SYK: variants seen among roughly 807,000 people sequenced by gnomAD.
The protein encoded by SYK is spleen associated tyrosine kinase.
Under a neutral mutation model 77.8 loss-of-function variants are expected in SYK, and 16 were observed. The observed-to-expected ratio is 0.21, with a 90% CI of 0.14 to 0.31. The LOEUF (loss-of-function observed/expected upper bound fraction) is 0.31, where lower values mean the gene tolerates loss of function less well. Among genes scored for constraint, SYK ranks in the 10% least tolerant of loss-of-function variants. The probability of loss-of-function intolerance (pLI) is 1.00; values close to 1 mark genes in which losing one functional copy is unlikely to be tolerated. For synonymous variants in SYK, 312 were observed against 308.7 expected, an observed-to-expected ratio of 1.01 and a Z score of -0.11; for missense variants, 529 against 814.4, an observed-to-expected ratio of 0.65 and a Z score of 4.26.
intron 9 of SYK, among the ~76,000 whole-genome samples, chr9:90,877,207 A>G (rs290225): frequency 0.84 from 128,492 of 152,094 alleles, 54,686 homozygotes; most frequent in East Asian, 0.95. Flanking sequence ...GCACTGTCAC[A>G]CCTGGGTGAT....
At position 90,897,566 on chromosome 9, in the gene SYK, C is replaced by G. The variant is rs148015317; in HGVS notation, c.*1966C>G. On this transcript the variant is annotated 3_prime_UTR_variant, in exon 14 of 14. Coordinates refer to ENST00000375754, the MANE Select transcript of SYK (RefSeq NM_003177.7). Reference sequence around the variant, plus strand: ...CAGAGGGAGTCTTCAACACAGGCCCCGTGCTCGTAGGAATACGGTAGCACC... The same window carrying G: ...CAGAGGGAGTCTTCAACACAGGCCCGGTGCTCGTAGGAATACGGTAGCACC... 2.2e-5 allele frequency: 5 copies of G among 230,316 alleles called. No homozygotes were observed. Among genetic ancestry groups the G allele is most frequent in the Non-Finnish European group, 3.4e-5 (4 of 116,226 alleles). 14.3% of individuals were successfully genotyped at this position (230,316 alleles called of 1,614,324 possible).
At chr9:90,843,449 G>A (rs1826451679) in intron 1 of SYK, among the ~76,000 whole-genome samples, 1 of 152,158 alleles carries the variant, frequency 6.6e-6, no homozygotes, top group Non-Finnish European at 1.5e-5. Flanking sequence ...TCTGGACTCA[G>A]GAGGAGCAGT....
At chr9:90,814,363 T>G (rs1825211246) in intron 1 of SYK, among the ~76,000 whole-genome samples, 1 of 152,188 alleles carries the variant, frequency 6.6e-6, no homozygotes, top group Non-Finnish European at 1.5e-5. Flanking sequence ...GACCGCTCAA[T>G]TACTTAAAAC....
chr9:90,808,227 C>T (rs1824920265), intron 1 of SYK, among the ~76,000 whole-genome samples: 1 of 152,158 alleles, frequency 6.6e-6, no homozygotes, highest in African/African-American at 2.4e-5. Context: ...TCAGTCCATC[C>T]ACTTAGTTTT....
chr9:90,886,387 C>A (rs970788835), intron 11 of SYK, among the ~76,000 whole-genome samples: 3 of 152,162 alleles, frequency 2.0e-5, no homozygotes, highest in African/African-American at 4.8e-5. Flanking sequence ...ATAGTCACTA[C>A]GGAAAATATT....
At chr9:90,866,606 C>G (rs1345527028) in intron 6 of SYK, among the ~76,000 whole-genome samples, 3 of 152,186 alleles carry the variant, frequency 2.0e-5, no homozygotes, top group Non-Finnish European at 4.4e-5. Flanking sequence ...ATGTCAAGCC[C>G]TGTGCTTAGC....
At chr9:90,813,619 T>G (rs1237753316) in intron 1 of SYK, among the ~76,000 whole-genome samples, 1 of 152,214 alleles carries the variant, frequency 6.6e-6, no homozygotes, top group Non-Finnish European at 1.5e-5. Context: ...AGATGCTGTA[T>G]GCAAAGCACC....
At chr9:90,865,118 C>T (rs201030751) in intron 6 of SYK, 21 bp downstream of exon 6, 52 of 1,610,332 alleles carry the variant, frequency 3.2e-5, no homozygotes, top group East Asian at 4.5e-5. Flanking sequence ...CTAGGAATAC[C>T]ACTGAATGAG....
chr9:90,813,193 G>A (rs944508343), intron 1 of SYK, among the ~76,000 whole-genome samples: 43 of 152,008 alleles, frequency 2.8e-4, no homozygotes, highest in Non-Finnish European at 5.9e-5. Context: ...TGAGAGTTTG[G>A]TCCATAGTTT....
chr9:90,811,276 T>A (rs921658822), intron 1 of SYK, among the ~76,000 whole-genome samples: 4 of 152,224 alleles, frequency 2.6e-5, no homozygotes, highest in Non-Finnish European at 5.9e-5. Flanking sequence ...ATAGCTTTAA[T>A]ATGCAGCGAG....
In SYK at chr9:90,822,100, G is replaced by C. The variant is rs571432297; in HGVS notation, c.-42+20207G>C. The stretch of plus-strand genomic sequence containing the variant: ...GGCTACTACTTGCTAATTCAGTTTT[G>C]GGGGTGACTTTGTGGAATGTATAAC... On this transcript the variant is annotated intron_variant, in intron 1 of 13. Coordinates refer to ENST00000375754, the MANE Select transcript of SYK (RefSeq NM_003177.7). Among the ~76,000 whole-genome samples, 261 of 152,248 alleles carry C rather than the reference G, an allele frequency of 1.7e-3. 1 individual carries two copies. The highest frequency in any genetic ancestry group is 6.6e-3 in the South Asian group (32 of 4,814).
chr9:90,874,535 C>A, intron 8 of SYK, 137 bp from the exon 9 acceptor site: 1 of 1,160,344 alleles, frequency 8.6e-7, no homozygotes, highest in Non-Finnish European at 1.2e-6. Context: ...ATGTCCCTGC[C>A]ACTCTTCAGA....
rs1169826044 is a variant in SYK, at chr9:90,862,387, C to G, written c.717+43C>G. On this transcript the variant is annotated intron_variant, in intron 4 of 13. Coordinates refer to ENST00000375754, the MANE Select transcript of SYK (RefSeq NM_003177.7). ...CCCACCTTGTGGGTAGAGTACAGGGCACGTGGGGCTCCTTGTCCCATGGAC... is the reference window on the plus strand; with the variant it reads ...CCCACCTTGTGGGTAGAGTACAGGGGACGTGGGGCTCCTTGTCCCATGGAC... 2.5e-6 allele frequency: 4 copies of G among 1,592,680 alleles called. No homozygotes were observed. The South Asian group carries it at 4.5e-5, about 18-fold the overall frequency.
At chr9:90,857,422 A>C (rs1827081641) in intron 3 of SYK, among the ~76,000 whole-genome samples, 1 of 152,220 alleles carries the variant, frequency 6.6e-6, no homozygotes. Context: ...GCGTTAAATA[A>C]TTCCACCTTC....
chr9:90,845,191 C>A (rs1019081301), intron 2 of SYK, among the ~76,000 whole-genome samples: 7 of 152,198 alleles, frequency 4.6e-5, no homozygotes, highest in African/African-American at 1.4e-4. Flanking sequence ...CCTCCTTGGC[C>A]TCCCAAAATA....
intron 1 of SYK, among the ~76,000 whole-genome samples, chr9:90,828,077 C>A (rs182361): frequency 0.11 from 16,729 of 152,110 alleles, 1,321 homozygotes; most frequent in East Asian, 0.44. Flanking sequence ...GTTTCTCTAG[C>A]AGCTGCAGGA....
At chr9:90,852,688 G>T (rs1826863849) in intron 3 of SYK, among the ~76,000 whole-genome samples, 1 of 152,146 alleles carries the variant, frequency 6.6e-6, no homozygotes, top group South Asian at 2.1e-4. Flanking sequence ...TTTGTGGATG[G>T]AGTCGTCCAA....
At chr9:90,856,333 CT>C (rs1165435530) in intron 3 of SYK, among the ~76,000 whole-genome samples, 1 of 152,214 alleles carries the variant, frequency 6.6e-6, no homozygotes, top group Non-Finnish European at 1.5e-5. Flanking sequence ...CATCTTGCTA[CT>C]TTTTTCTTCA....
At chr9:90,850,763 T>G (rs530608198) in intron 3 of SYK, among the ~76,000 whole-genome samples, 1 of 115,020 alleles carries the variant, frequency 8.7e-6, no homozygotes, top group Non-Finnish European at 1.8e-5. Flanking sequence ...AGAATTGGAC[T>G]AAAAGGTAAA....
Sources: allele counts gnomAD v4.1 joint callset (sites outside exome capture counted in the v4.1 genomes callset), GRCh38; gene constraint gnomAD v4.1.1; transcripts MANE v1.5; gene names NCBI Gene and HGNC (gene_info 2026-07-23, HGNC 2026-07-21).